The following HSPA4L variants were observed in gnomAD, a reference collection of about 807,000 sequenced individuals.
The protein encoded by HSPA4L is heat shock 70 kDa protein 4L.
A neutral mutation model predicts 100.3 loss-of-function variants in HSPA4L; 48 were observed. The observed-to-expected ratio is 0.48, with a 90% CI of 0.38 to 0.61. The LOEUF (loss-of-function observed/expected upper bound fraction) is 0.61, where lower values mean the gene tolerates loss of function less well. HSPA4L is among the 20% of genes least tolerant of loss of function. The pLI is 0.00. For missense variants in HSPA4L, 886 were observed against 988.6 expected (o/e 0.90, Z 1.39); for synonymous variants, 319 against 328.2 (o/e 0.97, Z 0.30).
At chr4:127,826,533 A>T (rs1049160316) in intron 16 of HSPA4L, among the ~76,000 whole-genome samples, 17 of 152,226 alleles carry the variant, frequency 1.1e-4, no homozygotes, top group African/African-American at 3.9e-4. Context: ...ACTGTAGTCC[A>T]GTTAATAGTA....
Position 127,840,413 on chromosome 4 carries a change from CAA to C in HSPA4L, c.*7540_*7541del, listed in dbSNP as rs1319146889. 1 of 152,114 alleles carries C rather than the reference CAA, an allele frequency of 6.6e-6. No homozygotes were observed. The highest frequency in any genetic ancestry group is 6.5e-5 in the Admixed American group (1 of 15,278). 9.4% of individuals were successfully genotyped at this position (152,114 alleles called of 1,614,324 possible). On this transcript the variant is annotated 3_prime_UTR_variant, in exon 19 of 19. Transcript: ENST00000296464. The stretch of plus-strand genomic sequence containing the variant: ...CCACTGAAATGCAGAAAATGGTAAT[CAA>C]GTGTGATGTTTCTATAAAAATAATT...
At chr4:127,810,762 C>T (rs1021473583) in intron 11 of HSPA4L, among the ~76,000 whole-genome samples, 2 of 152,046 alleles carry the variant, frequency 1.3e-5, no homozygotes, top group East Asian at 3.9e-4. Flanking sequence ...TGTCTCAAAA[C>T]AAAACACACA....
At chr4:127,784,119 G>A (rs1578683934) in intron 1 of HSPA4L, among the ~76,000 whole-genome samples, 1 of 152,368 alleles carries the variant, frequency 6.6e-6, no homozygotes, top group African/African-American at 2.4e-5. Flanking sequence ...ACAAATACTG[G>A]CTTTCGCCAG....
chr4:127,804,397 G>A (rs901158565), intron 8 of HSPA4L, among the ~76,000 whole-genome samples: 3 of 151,966 alleles, frequency 2.0e-5, no homozygotes, highest in African/African-American at 7.3e-5. Context: ...CCTGAGGTCA[G>A]GAGTTCAAGA....
At chr4:127,810,655 C>T (rs1039840597) in intron 11 of HSPA4L, among the ~76,000 whole-genome samples, 9 of 151,946 alleles carry the variant, frequency 5.9e-5, no homozygotes, top group Non-Finnish European at 4.4e-5. Context: ...GCTACTTGAA[C>T]GCTGAGGTGG....
intron 1 of HSPA4L, chr4:127,783,731 C>T: frequency 6.9e-7 from 1 of 1,439,552 alleles, no homozygotes; most frequent in Non-Finnish European, 9.4e-7. Context: ...AATATAATAC[C>T]TTAACTATAC....
intron 1 of HSPA4L, among the ~76,000 whole-genome samples, chr4:127,791,606 A>G (rs1732877541): frequency 6.6e-6 from 1 of 152,040 alleles, no homozygotes; most frequent in Admixed American, 6.5e-5. Flanking sequence ...TTCCTCCTGA[A>G]TATCTCTTCT....
rs149794079 is a variant in HSPA4L at position 127,784,210 on chromosome 4, C to T, written c.107+1553C>T. On this transcript the variant is annotated intron_variant, in intron 1 of 18. Transcript: ENST00000296464. ...AGCAATCTTTGGCTTCATTGACTCT[C>T]AACCTATAGAGAAAAAACTGAGAGG... Among the ~76,000 whole-genome samples, 342 of 152,346 alleles carry T rather than the reference C, an allele frequency of 2.2e-3. 2 individuals carry two copies. The highest frequency in any genetic ancestry group is 7.9e-3 in the African/African-American group (330 of 41,582).
rs531337454 is a variant in HSPA4L at position 127,800,467 on chromosome 4, CTT to C, written c.430-669_430-668del. 4.3e-3 allele frequency among the ~76,000 whole-genome samples: 654 copies of C among 151,884 alleles called. 9 individuals are homozygous for C. Among genetic ancestry groups the C allele is most frequent in the African/African-American group, 0.015 (625 of 41,420 alleles). On this transcript the variant is annotated intron_variant, in intron 4 of 18. Coordinates refer to ENST00000296464, the MANE Select transcript of HSPA4L (RefSeq NM_014278.4). Reference sequence around the variant, plus strand: ...TGTGAGGCAGAGCTAGACACAGTCTCTTTCAGAAAAAAAAATTTTGTATACAT... The same window carrying C: ...TGTGAGGCAGAGCTAGACACAGTCTCTCAGAAAAAAAAATTTTGTATACAT...
intron 15 of HSPA4L, 102 bp downstream of exon 15, chr4:127,822,996 T>C (rs1206452904): frequency 2.5e-6 from 3 of 1,195,258 alleles, no homozygotes; most frequent in Non-Finnish European, 3.5e-6. Flanking sequence ...GTTGTTATTG[T>C]TGCCAATCTT....
chr4:127,825,088 T>C (rs1300200844), intron 16 of HSPA4L, among the ~76,000 whole-genome samples: 2 of 150,780 alleles, frequency 1.3e-5, no homozygotes, highest in African/African-American at 4.9e-5. Flanking sequence ...TGCAGTGAGC[T>C]GAGATTGCGC....
chr4:127,794,238 A>T, intron 2 of HSPA4L, 104 bp downstream of exon 2: 1 of 771,098 alleles, frequency 1.3e-6, no homozygotes, highest in Admixed American at 2.2e-5. Context: ...GAGAGTGAGG[A>T]AAATAGGACA....
At chr4:127,830,492 G>A (rs1734050832) in intron 17 of HSPA4L, 146 bp from the exon 18 acceptor site, 1 of 530,962 alleles carries the variant, frequency 1.9e-6, no homozygotes, top group African/African-American at 2.0e-5. Context: ...CTTCAGTTCT[G>A]TGTTATTCGT....
chr4:127,827,474 T>A (rs1224069741), intron 17 of HSPA4L, 50 bp downstream of exon 17: 1 of 1,602,896 alleles, frequency 6.2e-7, no homozygotes, highest in Non-Finnish European at 8.5e-7. Context: ...GCATGGTACA[T>A]AGAATGGGGC....
Position 127,809,209 on chromosome 4 carries a change from T to C in HSPA4L, c.1378+1080T>C, listed in dbSNP as rs373538942. On this transcript the variant is annotated intron_variant, in intron 11 of 18. Transcript: ENST00000296464. ...TTCAGGACAAGGTTTTCAAAACAAG[T>C]TGCAATCTTGGCAGAACTGGACAAA... The C allele has an allele frequency of 6.5e-5, 83 of 1,274,402 alleles. 2 individuals are homozygous for C. Among genetic ancestry groups the C allele is most frequent in the East Asian group, 3.2e-4 (14 of 43,174 alleles). 78.9% of individuals were successfully genotyped at this position (1,274,402 alleles called of 1,614,324 possible).
chr4:127,798,454 T>C, intron 3 of HSPA4L, 133 bp from the exon 4 acceptor site: 1 of 779,490 alleles, frequency 1.3e-6, no homozygotes. Context: ...TGACAATCTT[T>C]CTGGAATAAA....
chr4:127,808,253 A>G (rs2148789051), intron 11 of HSPA4L, 124 bp downstream of exon 11: 4 of 769,998 alleles, frequency 5.2e-6, no homozygotes, highest in Non-Finnish European at 8.1e-6. Flanking sequence ...AAAGATATTT[A>G]TACTCTTTCT....
chr4:127,795,985 G>C (rs2148780366), intron 3 of HSPA4L, 77 bp downstream of exon 3: 2 of 1,467,598 alleles, frequency 1.4e-6, no homozygotes, highest in Middle Eastern at 3.6e-4. Flanking sequence ...GCTATTTGTA[G>C]TTTGACCTTT....
chr4:127,785,163 T>G (rs901084825), intron 1 of HSPA4L, among the ~76,000 whole-genome samples: 10 of 152,214 alleles, frequency 6.6e-5, no homozygotes, highest in Non-Finnish European at 1.5e-4. Flanking sequence ...TTAATTCAGA[T>G]TCACCTTCTG....
Sources: allele counts gnomAD v4.1 joint callset (sites outside exome capture counted in the v4.1 genomes callset), GRCh38; gene constraint gnomAD v4.1.1; transcripts MANE v1.5; gene names NCBI Gene and HGNC (gene_info 2026-07-23, HGNC 2026-07-21).